Variants in CBFA2T3 observed in about 807,000 individuals in gnomAD.
The protein encoded by CBFA2T3 is CBFA2/RUNX1 partner transcriptional co-repressor 3.
Under a neutral mutation model 58.6 loss-of-function variants are expected in CBFA2T3, and 31 were observed. The observed-to-expected ratio is 0.53, with a 90% CI of 0.40 to 0.71. The LOEUF is 0.71. Ranked by LOEUF, CBFA2T3 falls within the 30% of genes least tolerant of loss-of-function variation. The pLI is 0.00. For synonymous variants in CBFA2T3, 531 were observed against 421.9 expected (o/e 1.26, Z -3.17); for missense variants, 1,076 against 963.1 (o/e 1.12, Z -1.55).
At chr16:88,927,340 C>G (rs1971115568) in intron 1 of CBFA2T3, among the ~76,000 whole-genome samples, 1 of 152,238 alleles carries the variant, frequency 6.6e-6, no homozygotes, top group African/African-American at 2.4e-5. Flanking sequence ...GGCCGCTGGG[C>G]CCCATCTGTG....
At chr16:88,959,764 G>T (rs146041763) in intron 1 of CBFA2T3, among the ~76,000 whole-genome samples, 1 of 152,300 alleles carries the variant, frequency 6.6e-6, no homozygotes, top group African/African-American at 2.4e-5. Context: ...AGATCATTAA[G>T]CCTGTCATCC....
intron 1 of CBFA2T3, among the ~76,000 whole-genome samples, chr16:88,913,095 C>T (rs1253518117): frequency 6.6e-6 from 1 of 152,252 alleles, no homozygotes; most frequent in Non-Finnish European, 1.5e-5. Flanking sequence ...TTCCCTGCCC[C>T]CTGGATCTGG....
In CBFA2T3 at chr16:88,885,086, G is replaced by T. The variant is rs772345679; in HGVS notation, c.1077C>A (p.His359Gln). ...GCTCTCGTAGCTCCCGGGGGTCTGG[G>T]TGGCGGTAGGCATCTCGGAAGTGGT... ...MAHHFRDAYR[H>Q]PDPRELRERH... Residue 359 changes from histidine to glutamine, a missense_variant, in exon 7 of 12, where the codon CAC (histidine) becomes CAA (glutamine). His to Gln is a conservative substitution (Grantham distance 24). Coordinates refer to ENST00000268679, the MANE Select transcript of CBFA2T3 (RefSeq NM_005187.6). This position sits in a 1 kb window ranked among gnomAD's most constrained non-coding sequence, Gnocchi z 5.3. 1 of 1,602,248 alleles carries T rather than the reference G, an allele frequency of 6.2e-7. No homozygotes were observed. The highest frequency in any genetic ancestry group is 1.7e-5 in the Admixed American group (1 of 59,808).
At chr16:88,965,219 TC>T (rs1400115990) in intron 1 of CBFA2T3, among the ~76,000 whole-genome samples, 1 of 151,866 alleles carries the variant, frequency 6.6e-6, no homozygotes, top group Non-Finnish European at 1.5e-5. Context: ...TGAATTAATA[TC>T]TGACAAACAT....
Position 88,952,425 on chromosome 16 carries a change from G to T in CBFA2T3, c.151+24232C>A, listed in dbSNP as rs1385516711. 2.0e-5 allele frequency among the ~76,000 whole-genome samples: 3 copies of T among 152,164 alleles called. No individual in the cohort carries two copies. The East Asian group carries it at 5.8e-4, about 29-fold the overall frequency. ...CCTTCTCCCGCGGGGCACCAAAATG[G>T]CTTTCAGCAGGACAAATGCCCAGGC... On this transcript the variant is annotated intron_variant, in intron 1 of 11. Transcript: ENST00000268679.
intron 1 of CBFA2T3, chr16:88,902,358 C>G (rs563677137): frequency 6.6e-6 from 1 of 152,252 alleles, no homozygotes; most frequent in Non-Finnish European, 1.5e-5. Flanking sequence ...CTGCGCTGGG[C>G]GCAGCCCCCG....
chr16:88,880,605 T>C (rs75436385), intron 10 of CBFA2T3, 115 bp downstream of exon 10: 13,367 of 865,080 alleles, frequency 0.015, 137 homozygotes, highest in East Asian at 0.02. Flanking sequence ...GAAAGCCTTG[T>C]AGCCTGAGCC....
rs1326210089 is a variant in CBFA2T3, at chr16:88,881,465, C to T, written c.1228G>A (p.Val410Met). Residue 410 changes from valine (V) to methionine (M), a missense_variant, in exon 9 of 12, where the codon GTG becomes ATG. Coordinates refer to ENST00000268679, the MANE Select transcript of CBFA2T3 (RefSeq NM_005187.6). Reference protein sequence around the residue: ...NNLLNCIMDMVEKTRRSLTVL... With the variant: ...NNLLNCIMDMMEKTRRSLTVL... ...GTGAGCGAGCGCCGCGTCTTCTCCACCATGTCCATGATGCAGTTCAGGAGC... is the reference window on the plus strand; with the variant it reads ...GTGAGCGAGCGCCGCGTCTTCTCCATCATGTCCATGATGCAGTTCAGGAGC... 9 of 1,609,336 alleles carry T rather than the reference C, an allele frequency of 5.6e-6. No homozygotes were observed. The highest frequency in any genetic ancestry group is 1.7e-5 in the Admixed American group (1 of 59,882).
intron 1 of CBFA2T3, among the ~76,000 whole-genome samples, chr16:88,914,927 C>T (rs892697802): frequency 4.0e-5 from 6 of 151,680 alleles, no homozygotes; most frequent in African/African-American, 7.3e-5. Flanking sequence ...ACTCCCTGAG[C>T]GCCCTGGGGG....
chr16:88,972,870 C>T (rs1010931348), intron 1 of CBFA2T3, among the ~76,000 whole-genome samples: 18 of 152,326 alleles, frequency 1.2e-4, no homozygotes, highest in African/African-American at 4.3e-4. Flanking sequence ...GCTGTGATGG[C>T]ACTTTGCTCA....
chr16:88,941,088 T>A (rs1171907848), intron 1 of CBFA2T3: 1 of 984,206 alleles, frequency 1.0e-6, no homozygotes, highest in Non-Finnish European at 1.2e-6. Context: ...CGGGAGTCGC[T>A]GCTCCTTCCA....
chr16:88,903,586 G>A (rs1260023560), intron 1 of CBFA2T3, among the ~76,000 whole-genome samples: 1 of 151,860 alleles, frequency 6.6e-6, no homozygotes, highest in East Asian at 1.9e-4. Context: ...CTGCAGGGCC[G>A]GTGGCCAGTC....
At position 88,901,564 on chromosome 16, in the gene CBFA2T3, G is replaced by A; in HGVS notation, c.244C>T (p.Pro82Ser). The change falls in exon 2 of 12, where the codon CCC becomes TCC. Residue 82 changes from proline (P) to serine (S), a missense_variant. Physicochemically the swap from Pro to Ser is moderately conservative, Grantham distance 74. Coordinates refer to ENST00000268679, the MANE Select transcript of CBFA2T3 (RefSeq NM_005187.6). The stretch of plus-strand genomic sequence containing the variant: ...CCCTGGGATGCGGCAGGCGGTGGGG[G>A]CGGCATGCTGGGGGGTGTGGACCGG... ...QPRSTPPSMP[P>S]PPPAASQGAT... is the part of the protein sequence containing the mutation. 1 of 1,483,332 alleles carries A rather than the reference G, an allele frequency of 6.7e-7. No homozygotes were observed. Among genetic ancestry groups the A allele is most frequent in the East Asian group, 2.7e-5 (1 of 37,114 alleles). The allele number at this position is 1,483,332 out of a possible 1,614,324, so 91.9% of individuals were successfully genotyped here.
chr16:88,903,164 G>A (rs1043112105), intron 1 of CBFA2T3, among the ~76,000 whole-genome samples: 1 of 152,216 alleles, frequency 6.6e-6, no homozygotes, highest in Non-Finnish European at 1.5e-5. Context: ...ACGGCCACGC[G>A]GACTCTGTGG....
chr16:88,877,251 C>A lies in CBFA2T3; in HGVS notation c.1687G>T (p.Ala563Ser). The change falls in exon 12 of 12, where the codon GCC becomes TCC. Residue 563 changes from alanine (A) to serine (S), a missense_variant. Coordinates refer to ENST00000268679, the MANE Select transcript of CBFA2T3 (RefSeq NM_005187.6). ...TTGCAGCCGCTGCACGTCTCACTGG[C>A]TTTCCGCCCGCAGTTCCAGCAGCTC... ...SESCWNCGRK[A>S]SETCSGCNAA... is the part of the protein sequence containing the mutation. The A allele has an allele frequency of 6.4e-7, 1 of 1,552,368 alleles. No individual in the cohort carries two copies. The highest frequency in any genetic ancestry group is 8.7e-7 in the Non-Finnish European group (1 of 1,148,580).
intron 1 of CBFA2T3, among the ~76,000 whole-genome samples, chr16:88,959,306 G>C (rs1380974018): frequency 6.6e-6 from 1 of 152,208 alleles, no homozygotes; most frequent in African/African-American, 2.4e-5. Context: ...GACCCTGTTG[G>C]GGGAGCAGAG....
At chr16:88,909,362 G>A (rs1970446070) in intron 1 of CBFA2T3, among the ~76,000 whole-genome samples, 2 of 152,250 alleles carry the variant, frequency 1.3e-5, no homozygotes, top group African/African-American at 4.8e-5. Context: ...GGCAGCCTCA[G>A]TGTCCACATC....
At chr16:88,965,578 C>T (rs140119895) in intron 1 of CBFA2T3, among the ~76,000 whole-genome samples, 30 of 152,318 alleles carry the variant, frequency 2.0e-4, no homozygotes, top group African/African-American at 5.5e-4. Context: ...GTGTGTGCCA[C>T]GGCCAACACA....
intron 1 of CBFA2T3, among the ~76,000 whole-genome samples, chr16:88,952,864 C>T (rs190500126): frequency 1.6e-4 from 24 of 151,838 alleles, no homozygotes; most frequent in Admixed American, 1.6e-3. Context: ...CCTTCCCCCC[C>T]ACCCCCACAC....
Sources: gnomAD v4.1 joint callset for allele counts (sites outside exome capture counted in the v4.1 genomes callset) on GRCh38, gnomAD v4.1.1 for gene constraint, Gnocchi (gnomAD v3.1) non-coding constraint, MANE v1.5 for transcripts, NCBI Gene and HGNC (gene_info 2026-07-23, HGNC 2026-07-21) for gene names.